Variants in SEMA5A observed in about 807,000 individuals in gnomAD.
SEMA5A encodes semaphorin-5A.
A neutral mutation model predicts 135.5 loss-of-function variants in SEMA5A; 55 were observed. The ratio of observed to expected loss-of-function variants is 0.41; its 90% CI spans 0.33 to 0.51. SEMA5A has a LOEUF of 0.51. Ranked by LOEUF, SEMA5A falls within the 20% of genes least tolerant of loss-of-function variation. The pLI is 0.37. For missense variants in SEMA5A, 1,290 were observed against 1,419.9 expected (o/e 0.91, Z 1.47); for synonymous variants, 580 against 546.5 (o/e 1.06, Z -0.85).
chr5:9,367,110 T>A (rs1754950261), intron 3 of SEMA5A, among the ~76,000 whole-genome samples: 2 of 152,210 alleles, frequency 1.3e-5, no homozygotes. Context: ...AATTATGCTA[T>A]CCAATATAGT....
intron 1 of SEMA5A, among the ~76,000 whole-genome samples, chr5:9,466,748 T>C (rs1369244863): frequency 6.6e-6 from 1 of 152,252 alleles, no homozygotes; most frequent in Non-Finnish European, 1.5e-5. Context: ...GTTTCACTTG[T>C]GTACTTGGCT....
At chr5:9,083,503 A>T (rs1327375613) in intron 16 of SEMA5A, among the ~76,000 whole-genome samples, 2 of 152,184 alleles carry the variant, frequency 1.3e-5, no homozygotes, top group South Asian at 2.1e-4. Context: ...CTAAAAGTCA[A>T]TGTAGTGTTG....
At chr5:9,385,981 T>C (rs1209057509) in intron 2 of SEMA5A, among the ~76,000 whole-genome samples, 3 of 151,912 alleles carry the variant, frequency 2.0e-5, no homozygotes, top group African/African-American at 7.3e-5. Context: ...TTTGTTTTTT[T>C]AGTAGAGACA....
chr5:9,282,042 AC>A (rs1389437796), intron 5 of SEMA5A, among the ~76,000 whole-genome samples: 2 of 151,820 alleles, frequency 1.3e-5, no homozygotes, highest in Non-Finnish European at 1.5e-5. Context: ...TGAACTCCTG[AC>A]CTCGTGATCC....
chr5:9,221,723 A>G (rs1460218543), intron 8 of SEMA5A, among the ~76,000 whole-genome samples: 2 of 152,248 alleles, frequency 1.3e-5, no homozygotes, highest in Admixed American at 6.5e-5. Flanking sequence ...TTACTCCAGA[A>G]CACAGCAGAA....
chr5:9,510,310 T>C (rs935335067), intron 1 of SEMA5A, among the ~76,000 whole-genome samples: 5 of 152,192 alleles, frequency 3.3e-5, no homozygotes, highest in Non-Finnish European at 7.4e-5. Flanking sequence ...CAAACGTTTA[T>C]TGCTTTATTG....
chr5:9,093,370 A>G (rs17237055), intron 16 of SEMA5A, among the ~76,000 whole-genome samples: 10,896 of 152,260 alleles, frequency 0.072, 447 homozygotes, highest in South Asian at 0.16. Flanking sequence ...TTTTAACCCA[A>G]GAAAGTTGGT....
chr5:9,426,218 A>T (rs1757641391), intron 2 of SEMA5A, among the ~76,000 whole-genome samples: 1 of 151,952 alleles, frequency 6.6e-6, no homozygotes, highest in South Asian at 2.1e-4. Flanking sequence ...CGGGCAGATC[A>T]TGAGGTCAGG....
intron 1 of SEMA5A, among the ~76,000 whole-genome samples, chr5:9,477,438 TG>T (rs2126769466): frequency 6.6e-6 from 1 of 152,288 alleles, no homozygotes; most frequent in African/African-American, 2.4e-5. Flanking sequence ...GGGGAAAGTT[TG>T]GAACTTCCTA....
Position 9,091,296 on chromosome 5 carries a change from C to T in SEMA5A, c.2073+16844G>A, listed in dbSNP as rs139730613. Among the ~76,000 whole-genome samples the T allele has an allele frequency of 1.4e-3, 219 of 152,270 alleles. 3 individuals are homozygous for T. The East Asian group carries it at 0.025, about 17-fold the overall frequency. On this transcript the variant is annotated intron_variant, in intron 16 of 22. Coordinates refer to ENST00000382496, the MANE Select transcript of SEMA5A (RefSeq NM_003966.3). ...CAACTGTCAGAATTTTAAAAATCAA[C>T]GATTTGTATCAGAATGAAATGGTGT...
At chr5:9,508,490 A>G (rs922531871) in intron 1 of SEMA5A, among the ~76,000 whole-genome samples, 3 of 152,188 alleles carry the variant, frequency 2.0e-5, no homozygotes, top group Non-Finnish European at 2.9e-5. Context: ...ATCAATGCAT[A>G]CCAGTGACTG....
At chr5:9,467,156 A>C (rs1759292605) in intron 1 of SEMA5A, among the ~76,000 whole-genome samples, 1 of 152,044 alleles carries the variant, frequency 6.6e-6, no homozygotes, top group Non-Finnish European at 1.5e-5. Flanking sequence ...TCTGTTGCCC[A>C]GGCTGGAGTG....
chr5:9,312,344 CAAAAA>C (rs11311020), intron 5 of SEMA5A, among the ~76,000 whole-genome samples: 1 of 88,554 alleles, frequency 1.1e-5, no homozygotes, highest in East Asian at 3.4e-4. Context: ...CAGTGAGTTG[CAAAAA>C]AAAAAAAAAA....
intron 1 of SEMA5A, among the ~76,000 whole-genome samples, chr5:9,446,046 C>T (rs1190891488): frequency 6.6e-6 from 1 of 152,152 alleles, no homozygotes; most frequent in Non-Finnish European, 1.5e-5. Context: ...AACATAGCTC[C>T]GAGCTAAAGA....
At chr5:9,305,708 G>GTA (rs146829804) in intron 5 of SEMA5A, among the ~76,000 whole-genome samples, 91,007 of 139,148 alleles carry the variant, frequency 0.65, 30,681 homozygotes, top group Non-Finnish European at 0.74. Flanking sequence ...GTGTGTGTGC[G>GTA]TATATATATA....
At chr5:9,436,674 G>A (rs1383990182) in intron 2 of SEMA5A, among the ~76,000 whole-genome samples, 2 of 152,196 alleles carry the variant, frequency 1.3e-5, no homozygotes, top group Non-Finnish European at 2.9e-5. Context: ...CGGTAATTTA[G>A]TTAGGGAGAA....
intron 2 of SEMA5A, among the ~76,000 whole-genome samples, chr5:9,381,981 T>TGTGTGCGC (rs1411451751): frequency 2.5e-4 from 25 of 99,918 alleles, no homozygotes; most frequent in Admixed American, 6.5e-4. Flanking sequence ...TGTGTGTGTG[T>TGTGTGCGC]GCGCGCGCGC....
At chr5:9,053,088 TA>T (rs916635542) in intron 19 of SEMA5A, among the ~76,000 whole-genome samples, 2 of 152,124 alleles carry the variant, frequency 1.3e-5, no homozygotes, top group East Asian at 1.9e-4. Flanking sequence ...AGGAGCAAGC[TA>T]AAAAAAATTG....
chr5:9,110,584 G>A (rs990419048), intron 15 of SEMA5A, among the ~76,000 whole-genome samples: 1 of 152,210 alleles, frequency 6.6e-6, no homozygotes, highest in Non-Finnish European at 1.5e-5. Context: ...AAACAGTGGA[G>A]TCCAAAGTCA....
Sources: allele counts gnomAD v4.1 joint callset (sites outside exome capture counted in the v4.1 genomes callset), GRCh38; gene constraint gnomAD v4.1.1; transcripts MANE v1.5; gene names NCBI Gene and HGNC (gene_info 2026-07-23, HGNC 2026-07-21).